PPP1R13B: variants seen among roughly 807,000 people sequenced by gnomAD.
PPP1R13B encodes the protein apoptosis-stimulating of p53 protein 1.
Under a neutral mutation model 119.8 loss-of-function variants are expected in PPP1R13B, and 44 were observed. The ratio of observed to expected loss-of-function variants is 0.37; its 90% CI spans 0.29 to 0.47. The LOEUF is 0.47. Ranked by LOEUF, PPP1R13B falls within the 20% of genes least tolerant of loss-of-function variation. The pLI is 0.99. For missense variants in PPP1R13B, 1,227 were observed against 1,413.5 expected (o/e 0.87, Z 2.12); for synonymous variants, 542 against 561.5 (o/e 0.97, Z 0.49).
rs1417708320 is a variant in PPP1R13B, at chr14:103,736,198, C to A, written c.3036G>T (p.Val1012=). 6.2e-7 allele frequency: 1 copy of A among 1,613,464 alleles called. No homozygotes were observed. Among genetic ancestry groups the A allele is most frequent in the East Asian group, 2.2e-5 (1 of 44,882 alleles). ...YIQCSQFLYG[V]QEKLGVMNKG... is the part of the protein sequence containing the mutation. ...TGTTCATCACACCCAGCTTTTCCTG[C>A]ACCCCTGGAGCCAGAGAGCAATGGT... is the stretch of plus-strand genomic sequence containing the variant. The change falls in exon 16 of 17, where the codon GTG becomes GTT. Residue 1012 remains valine, a synonymous_variant. Transcript: ENST00000202556.
Position 103,753,197 on chromosome 14 carries a change from C to G in PPP1R13B, c.632-1G>C. 1 of 1,603,516 alleles carries G rather than the reference C, an allele frequency of 6.2e-7. No individual in the cohort carries two copies. Among genetic ancestry groups the G allele is most frequent in the Non-Finnish European group, 8.5e-7 (1 of 1,176,694 alleles). On this transcript the variant is annotated splice_acceptor_variant, in intron 6 of 16. Coordinates refer to ENST00000202556, the MANE Select transcript of PPP1R13B (RefSeq NM_015316.3). LOFTEE classifies it high-confidence loss of function. ...GCACTGAACCTTTCTATTTCAGCAG[C>G]TATAATTGACCACACAAGAAAAGAA...
intron 1 of PPP1R13B, among the ~76,000 whole-genome samples, chr14:103,815,997 T>C (rs1348514073): frequency 6.6e-6 from 1 of 151,014 alleles, no homozygotes; most frequent in Admixed American, 6.6e-5. Flanking sequence ...GGCAGGAGAA[T>C]GGTATGAACC....
intron 4 of PPP1R13B, among the ~76,000 whole-genome samples, chr14:103,767,456 G>A (rs182880608): frequency 6.6e-6 from 1 of 152,128 alleles, no homozygotes; most frequent in African/African-American, 2.4e-5. Context: ...TCCAGGAGTT[G>A]TGACACCATT....
At chr14:103,800,682 A>C (rs1313526068) in intron 1 of PPP1R13B, among the ~76,000 whole-genome samples, 1 of 152,100 alleles carries the variant, frequency 6.6e-6, no homozygotes, top group Non-Finnish European at 1.5e-5. Flanking sequence ...AAAACAAAAA[A>C]AAAGATTTTT....
rs1261642150 is a variant in PPP1R13B, at chr14:103,749,882, T to A, written c.881A>T (p.Glu294Val). 6.2e-7 allele frequency: 1 copy of A among 1,614,230 alleles called. No homozygotes were observed. Among genetic ancestry groups the A allele is most frequent in the Admixed American group, 1.7e-5 (1 of 60,028 alleles). ...EQNSKLQQQK[E>V]LLNKRNMEVA... is the part of the protein sequence containing the mutation. ...CTCCATGTTGCGCTTATTTAAGAGT[T>A]CCTTCTGCTGCTGAAGTTTTGAATT... is the stretch of plus-strand genomic sequence containing the variant. The change falls in exon 8 of 17, where the codon GAA becomes GTA. Residue 294 changes from glutamate to valine, a missense_variant. Coordinates refer to ENST00000202556, the MANE Select transcript of PPP1R13B (RefSeq NM_015316.3).
At chr14:103,746,339 A>T in intron 9 of PPP1R13B, 34 bp downstream of exon 9, 1 of 1,095,218 alleles carries the variant, frequency 9.1e-7, no homozygotes, top group African/African-American at 1.8e-5. Flanking sequence ...CTGCTCACAA[A>T]CTCTCCCCCA....
chr14:103,819,385 T>C (rs1463955072), intron 1 of PPP1R13B, among the ~76,000 whole-genome samples: 1 of 151,816 alleles, frequency 6.6e-6, no homozygotes, highest in Non-Finnish European at 1.5e-5. Flanking sequence ...TAGTCCCAGC[T>C]ACTTGGGAGG....
chr14:103,794,331 T>G (rs1018027978), intron 2 of PPP1R13B, among the ~76,000 whole-genome samples: 19 of 47,648 alleles, frequency 4.0e-4, no homozygotes, highest in African/African-American at 1.9e-3. Flanking sequence ...GTTTTTTGTT[T>G]TTTTTTTTTT....
chr14:103,813,632 A>C (rs554995758), intron 1 of PPP1R13B, among the ~76,000 whole-genome samples: 1 of 152,308 alleles, frequency 6.6e-6, no homozygotes, highest in South Asian at 2.1e-4. Context: ...GGCACGCAGA[A>C]CTGTGAGTAC....
At chr14:103,779,490 G>C (rs1290298373) in intron 3 of PPP1R13B, among the ~76,000 whole-genome samples, 1 of 151,584 alleles carries the variant, frequency 6.6e-6, no homozygotes, top group African/African-American at 2.4e-5. Context: ...GGCTGGGCGA[G>C]GTGGCTCATG....
intron 1 of PPP1R13B, among the ~76,000 whole-genome samples, chr14:103,801,476 C>G (rs1461586030): frequency 3.3e-5 from 5 of 152,076 alleles, no homozygotes; most frequent in Non-Finnish European, 7.4e-5. Flanking sequence ...GCCCAAGTAC[C>G]CTTCCTGTTT....
intron 2 of PPP1R13B, among the ~76,000 whole-genome samples, chr14:103,790,481 C>T (rs1157114017): frequency 6.6e-6 from 1 of 151,760 alleles, no homozygotes; most frequent in Non-Finnish European, 1.5e-5. Flanking sequence ...GGTTTAGTGC[C>T]CCTACAAAAG....
chr14:103,746,186 T>C (rs893827095), intron 9 of PPP1R13B, among the ~76,000 whole-genome samples, 187 bp downstream of exon 9: 29 of 152,336 alleles, frequency 1.9e-4, no homozygotes, highest in African/African-American at 6.0e-4. Context: ...AAATAACTTG[T>C]TTTCCTTTTA....
intron 2 of PPP1R13B, among the ~76,000 whole-genome samples, chr14:103,794,290 C>T (rs1219009076): frequency 6.6e-6 from 1 of 151,436 alleles, no homozygotes; most frequent in Non-Finnish European, 1.5e-5. Flanking sequence ...ACTGATCATA[C>T]TAATGTCAGC....
At position 103,785,628 on chromosome 14, in the gene PPP1R13B, C is replaced by T. The variant is rs551030558; in HGVS notation, c.158-714G>A. On this transcript the variant is annotated intron_variant, in intron 2 of 16. Coordinates refer to ENST00000202556, the MANE Select transcript of PPP1R13B (RefSeq NM_015316.3). ...CAGGGTTCGAGAGATTCTCCTGCCT[C>T]GGCCTCCTGAGTAGCTGGGATTACA... 1.6e-4 allele frequency among the ~76,000 whole-genome samples: 24 copies of T among 151,686 alleles called. No homozygotes were observed. In the South Asian group the frequency reaches 3.5e-3, roughly 22 times the overall value.
intron 1 of PPP1R13B, among the ~76,000 whole-genome samples, chr14:103,833,491 A>G (rs1181821286): frequency 1.3e-5 from 2 of 151,990 alleles, no homozygotes; most frequent in African/African-American, 2.4e-5. Flanking sequence ...TAAAATACAA[A>G]AATTAGCTGG....
intron 8 of PPP1R13B, among the ~76,000 whole-genome samples, chr14:103,747,627 C>T (rs115199434): frequency 1.3e-5 from 2 of 152,040 alleles, no homozygotes; most frequent in Non-Finnish European, 2.9e-5. Context: ...GCAGTGCACA[C>T]TGCACACAAT....
At chr14:103,786,247 G>A (rs1176779345) in intron 2 of PPP1R13B, among the ~76,000 whole-genome samples, 1 of 151,834 alleles carries the variant, frequency 6.6e-6, no homozygotes, top group Non-Finnish European at 1.5e-5. Context: ...TTGCCATGTT[G>A]CCTGGGCTAG....
intron 4 of PPP1R13B, among the ~76,000 whole-genome samples, chr14:103,760,373 G>C (rs1363211878): frequency 6.6e-6 from 1 of 152,048 alleles, no homozygotes; most frequent in Non-Finnish European, 1.5e-5. Flanking sequence ...TTCATTGATT[G>C]CATCTAATAA....
Sources: gnomAD v4.1 joint callset for allele counts (sites outside exome capture counted in the v4.1 genomes callset) on GRCh38, gnomAD v4.1.1 for gene constraint, MANE v1.5 for transcripts, NCBI Gene and HGNC (gene_info 2026-07-23, HGNC 2026-07-21) for gene names.